COG6: variants seen among roughly 807,000 people sequenced by gnomAD.
COG6 encodes the protein component of oligomeric golgi complex 6.
A neutral mutation model predicts 88.8 loss-of-function variants in COG6; 74 were observed. The observed-to-expected ratio is 0.83, with a 90% CI of 0.69 to 1.01. COG6 has a LOEUF of 1.01. Ranked by LOEUF, COG6 falls within the 50% of genes least tolerant of loss-of-function variation. COG6 has a pLI of 0.00. For missense variants in COG6, 800 were observed against 797.9 expected (o/e 1.00, Z -0.03); for synonymous variants, 286 against 278.7 (o/e 1.03, Z -0.26).
intron 18 of COG6, among the ~76,000 whole-genome samples, chr13:39,782,051 T>G (rs895029255): frequency 1.3e-5 from 2 of 152,220 alleles, no homozygotes; most frequent in African/African-American, 2.4e-5. Flanking sequence ...TAAATCTAAA[T>G]CTGAAAATAT....
chr13:39,723,248 A>C (rs1878944225), intron 15 of COG6, 85 bp from the exon 16 acceptor site: 2 of 802,062 alleles, frequency 2.5e-6, no homozygotes, highest in South Asian at 2.8e-5. Context: ...CCTGTGCCTC[A>C]TCATCAGTGC....
intron 13 of COG6, among the ~76,000 whole-genome samples, chr13:39,710,436 G>A (rs1190685809): frequency 6.6e-6 from 1 of 152,002 alleles, no homozygotes. Context: ...ATATCATTGG[G>A]ACTGCTGTAT....
intron 18 of COG6, among the ~76,000 whole-genome samples, chr13:39,733,471 G>A (rs1879568743): frequency 6.6e-6 from 1 of 151,906 alleles, no homozygotes; most frequent in Non-Finnish European, 1.5e-5. Flanking sequence ...TTACAGGTGT[G>A]AGCCACTGTG....
At chr13:39,732,178 G>C (rs1297561336) in intron 18 of COG6, among the ~76,000 whole-genome samples, 1 of 152,028 alleles carries the variant, frequency 6.6e-6, no homozygotes, top group Middle Eastern at 3.2e-3. Flanking sequence ...CAACTAACTA[G>C]GTATCCCTTA....
At chr13:39,709,517 G>T (rs1307957269) in intron 13 of COG6, among the ~76,000 whole-genome samples, 1 of 137,732 alleles carries the variant, frequency 7.3e-6, no homozygotes, top group Non-Finnish European at 1.5e-5. Context: ...ACATTATTTA[G>T]CTCCCACTTA....
chr13:39,782,758 C>T (rs752005293), intron 18 of COG6, among the ~76,000 whole-genome samples: 1 of 152,180 alleles, frequency 6.6e-6, no homozygotes, highest in Non-Finnish European at 1.5e-5. Context: ...TTAGGGGCAG[C>T]ACCTAGACCA....
At chr13:39,756,903 AAGG>A (rs549179480), downstream of COG6, among the ~76,000 whole-genome samples, 233 of 152,282 alleles carry the variant, frequency 1.5e-3, 3 homozygotes, top group African/African-American at 5.1e-3. Flanking sequence ...GCTGAAATGA[AAGG>A]ACGCTAGACA....
chr13:39,684,243 A>ATTTTTTGTT (rs1876493039), intron 8 of COG6, among the ~76,000 whole-genome samples: 1 of 67,382 alleles, frequency 1.5e-5, no homozygotes, highest in Non-Finnish European at 2.5e-5. Flanking sequence ...AATTTGGAAG[A>ATTTTTTGTT]TTTTTTTTTT....
At chr13:39,704,559 A>G (rs1222876886) in intron 13 of COG6, among the ~76,000 whole-genome samples, 1 of 152,172 alleles carries the variant, frequency 6.6e-6, no homozygotes, top group Non-Finnish European at 1.5e-5. Context: ...GAGGAAGAAG[A>G]GAGACTGGTC....
chr13:39,696,443 C>A (rs1877278544), intron 12 of COG6, among the ~76,000 whole-genome samples: 1 of 151,634 alleles, frequency 6.6e-6, no homozygotes, highest in African/African-American at 2.4e-5. Context: ...TTTTTGAGGC[C>A]ATTCGATAGA....
At chr13:39,739,348 A>G (rs1879929714) in intron 18 of COG6, among the ~76,000 whole-genome samples, 1 of 152,116 alleles carries the variant, frequency 6.6e-6, no homozygotes, top group Non-Finnish European at 1.5e-5. Context: ...ACCGCAGTTC[A>G]CCTATATGCC....
chr13:39,710,227 A>T (rs776798724), intron 13 of COG6, among the ~76,000 whole-genome samples: 5 of 152,094 alleles, frequency 3.3e-5, no homozygotes, highest in Admixed American at 6.6e-5. Flanking sequence ...TTATTCCCAG[A>T]TATTGAGTGG....
chr13:39,758,637 G>T (rs914740575), intron 18 of COG6, among the ~76,000 whole-genome samples: 1 of 152,120 alleles, frequency 6.6e-6, no homozygotes, highest in Non-Finnish European at 1.5e-5. Context: ...TGCTGGTGGG[G>T]ATATAAAGTG....
At chr13:39,695,798 G>A (rs151184729) in intron 12 of COG6, among the ~76,000 whole-genome samples, 16 of 151,970 alleles carry the variant, frequency 1.1e-4, no homozygotes, top group Non-Finnish European at 2.1e-4. Flanking sequence ...ATATAAACTT[G>A]TTGTCATCAT....
At chr13:39,753,747 A>G (rs1880742081), downstream of COG6, among the ~76,000 whole-genome samples, 2 of 152,108 alleles carry the variant, frequency 1.3e-5, no homozygotes, top group Admixed American at 6.6e-5. Context: ...TGCTTCAGCA[A>G]CAACTGGCCT....
At chr13:39,758,251 T>A (rs1473123387) in intron 18 of COG6, among the ~76,000 whole-genome samples, 1 of 143,330 alleles carries the variant, frequency 7.0e-6, no homozygotes, top group Non-Finnish European at 1.5e-5. Context: ...AATGACGAGC[T>A]GGACGCGGTG....
In COG6 at chr13:39,750,990, A is replaced by G. The variant is rs1414601128; in HGVS notation, c.1871A>G (p.Tyr624Cys). ...KQSTELVCRA[Y>C]GEVYAAVMNP... ...TCTACAGAATTAGTCTGCAGAGCCT[A>G]TGGTGAAGTGTATGCAGCCGTGATG... Residue 624 changes from tyrosine (Y) to cysteine (C), a missense_variant, in exon 19 of 19, where the codon TAT becomes TGT. Transcript: ENST00000455146. 20 of 1,613,700 alleles carry G rather than the reference A, an allele frequency of 1.2e-5. No homozygotes were observed. Among genetic ancestry groups the G allele is most frequent in the Non-Finnish European group, 1.7e-5 (20 of 1,179,780 alleles).
In COG6 at chr13:39,679,935, T is replaced by C. The variant is rs376204457; in HGVS notation, c.624-40T>C. 1.9e-5 allele frequency: 21 copies of C among 1,079,644 alleles called. No homozygotes were observed. The African/African-American group carries it at 3.0e-4, about 16-fold the overall frequency. 66.9% of individuals were successfully genotyped at this position (1,079,644 alleles called of 1,614,324 possible). ...ATAATTAGGTGCTTAGATGTATCTG[T>C]TGACTAAAGTTTAAATTATAATCAT... On this transcript the variant is annotated intron_variant, in intron 6 of 18. Transcript: ENST00000455146.
At position 39,752,030 on chromosome 13, in the gene COG6, T is replaced by C. The variant is rs1284204975; in HGVS notation, c.*937T>C. 7.8e-7 allele frequency: 1 copy of C among 1,282,550 alleles called. No homozygotes were observed. The highest frequency in any genetic ancestry group is 1.0e-6 in the Non-Finnish European group (1 of 984,460). The allele number at this position is 1,282,550 out of a possible 1,614,324, so 79.4% of individuals were successfully genotyped here. A position where few individuals can be genotyped will look rare whatever the true frequency, so the allele number is the denominator to read the frequency against. On this transcript the variant is annotated 3_prime_UTR_variant, in exon 19 of 19. Coordinates refer to ENST00000455146, the MANE Select transcript of COG6 (RefSeq NM_020751.3). ...AGGAGTTGCCAATTGGCAGTGTGTC[T>C]TATCTCCATGTTGTAACTGGACTCT...
Sources: gnomAD v4.1 joint callset for allele counts (sites outside exome capture counted in the v4.1 genomes callset) on GRCh38, gnomAD v4.1.1 for gene constraint, MANE v1.5 for transcripts, NCBI Gene and HGNC (gene_info 2026-07-23, HGNC 2026-07-21) for gene names.